Variants in ACER3 observed in about 807,000 individuals in gnomAD.
ACER3 encodes the protein alkCDase 3.
A neutral mutation model predicts 48.9 loss-of-function variants in ACER3; 16 were observed. The ratio of observed to expected loss-of-function variants is 0.33; its 90% CI spans 0.22 to 0.50. ACER3 has a LOEUF of 0.50. Among genes scored for constraint, ACER3 ranks in the 20% least tolerant of loss-of-function variants. ACER3 has a pLI of 0.98. For missense variants in ACER3, 227 were observed against 326.0 expected (o/e 0.70, Z 2.34); for synonymous variants, 109 against 107.8 (o/e 1.01, Z -0.07).
At chr11:76,946,696 C>T (rs1030083676) in intron 2 of ACER3, among the ~76,000 whole-genome samples, 2 of 152,166 alleles carry the variant, frequency 1.3e-5, no homozygotes, top group Non-Finnish European at 2.9e-5. Flanking sequence ...AGTCTCCCCT[C>T]CCCTCCTTGG....
intron 10 of ACER3, 71 bp from the exon 11 acceptor site, chr11:77,020,203 T>C: frequency 6.6e-7 from 1 of 1,524,848 alleles, no homozygotes; most frequent in South Asian, 1.1e-5. Context: ...GGATTCTTTC[T>C]CATTCTTTTT....
intron 2 of ACER3, among the ~76,000 whole-genome samples, chr11:76,940,336 C>T (rs974455114): frequency 8.6e-5 from 13 of 151,980 alleles, no homozygotes; most frequent in African/African-American, 2.9e-4. Flanking sequence ...GTTAATAATG[C>T]GTAAACCTAA....
intron 1 of ACER3, among the ~76,000 whole-genome samples, chr11:76,878,260 C>T (rs552608557): frequency 1.3e-5 from 2 of 151,810 alleles, no homozygotes; most frequent in African/African-American, 4.8e-5. Context: ...AAAGTAATTG[C>T]GGTTTTTGCC....
At chr11:76,904,173 G>A (rs1264318880) in intron 1 of ACER3, among the ~76,000 whole-genome samples, 1 of 151,956 alleles carries the variant, frequency 6.6e-6, no homozygotes, top group Admixed American at 6.6e-5. Context: ...TTTTAGTAGA[G>A]ACGAGGTTTC....
At position 76,894,409 on chromosome 11, in the gene ACER3, G is replaced by A. The variant is rs537829682; in HGVS notation, c.104-32148G>A. ...CCTTAAACTCTCAAATTTACTGTAG[G>A]TATATCATAGACATGTAATTGTCAC... On this transcript the variant is annotated intron_variant, in intron 1 of 10. Coordinates refer to ENST00000532485, the MANE Select transcript of ACER3 (RefSeq NM_018367.7). Among the ~76,000 whole-genome samples, 12 of 152,214 alleles carry A rather than the reference G, an allele frequency of 7.9e-5. No individual in the cohort carries two copies. In the East Asian group the frequency reaches 1.7e-3, roughly 22 times the overall value.
At position 77,024,218 on chromosome 11, in the gene ACER3, G is replaced by C. The variant is rs1322676670; in HGVS notation, c.*3891G>C. 8.7e-6 allele frequency: 1 copy of C among 115,592 alleles called. No individual in the cohort carries two copies. Among genetic ancestry groups the C allele is most frequent in the Non-Finnish European group, 1.7e-5 (1 of 60,218 alleles). 7.2% of individuals were successfully genotyped at this position (115,592 alleles called of 1,614,324 possible). On this transcript the variant is annotated 3_prime_UTR_variant, in exon 11 of 11. Coordinates refer to ENST00000532485, the MANE Select transcript of ACER3 (RefSeq NM_018367.7). ...CAGCTGACTGGAAATTTTCAATACT[G>C]TCTTTTAACTGTTGTACTCCAGCCA...
chr11:76,997,447 A>G (rs908991476), intron 6 of ACER3, among the ~76,000 whole-genome samples: 1 of 152,210 alleles, frequency 6.6e-6, no homozygotes, highest in African/African-American at 2.4e-5. Context: ...TTGTAGCAGT[A>G]TAGCTATGGT....
chr11:76,890,308 T>G (rs1280446844), intron 1 of ACER3, among the ~76,000 whole-genome samples: 1 of 152,188 alleles, frequency 6.6e-6, no homozygotes, highest in Admixed American at 6.5e-5. Context: ...TGATAATACC[T>G]CAAGTTAGAG....
intron 3 of ACER3, among the ~76,000 whole-genome samples, chr11:76,969,594 A>G (rs1208259837): frequency 6.6e-6 from 1 of 151,878 alleles, no homozygotes; most frequent in African/African-American, 2.4e-5. Context: ...GCACATACAC[A>G]CCATGGAATA....
intron 2 of ACER3, among the ~76,000 whole-genome samples, chr11:76,931,587 T>TACAA (rs1296931449): frequency 6.6e-6 from 1 of 152,236 alleles, no homozygotes; most frequent in Non-Finnish European, 1.5e-5. Context: ...TTGGCATGTT[T>TACAA]TTGCAGTGGC....
At chr11:76,867,004 C>T (rs774183134) in intron 1 of ACER3, among the ~76,000 whole-genome samples, 2 of 152,150 alleles carry the variant, frequency 1.3e-5, no homozygotes, top group African/African-American at 2.4e-5. Context: ...TGGGTTACTT[C>T]TACCTCTTGG....
intron 4 of ACER3, among the ~76,000 whole-genome samples, chr11:76,984,393 T>C (rs1948645938): frequency 1.3e-5 from 2 of 152,238 alleles, no homozygotes; most frequent in African/African-American, 4.8e-5. Flanking sequence ...TTCATCATTG[T>C]CCAAGTCACA....
chr11:76,862,208 A>G (rs1224245340), intron 1 of ACER3, among the ~76,000 whole-genome samples: 1 of 151,920 alleles, frequency 6.6e-6, no homozygotes, highest in Non-Finnish European at 1.5e-5. Flanking sequence ...GCATCTGTGC[A>G]TGGCTTTGTA....
chr11:77,018,127 A>T (rs1949406265), intron 9 of ACER3, among the ~76,000 whole-genome samples: 1 of 151,966 alleles, frequency 6.6e-6, no homozygotes, highest in African/African-American at 2.4e-5. Flanking sequence ...TTTAGTAGAG[A>T]CAGGCTTTCA....
At chr11:76,937,722 T>C (rs1947228368) in intron 2 of ACER3, among the ~76,000 whole-genome samples, 1 of 151,988 alleles carries the variant, frequency 6.6e-6, no homozygotes, top group Admixed American at 6.6e-5. Context: ...ATAGAAATGG[T>C]GTGGAAAAGA....
chr11:76,914,868 A>T (rs1436043083), intron 1 of ACER3, among the ~76,000 whole-genome samples: 1 of 152,144 alleles, frequency 6.6e-6, no homozygotes, highest in East Asian at 1.9e-4. Flanking sequence ...ATGCAGCCAT[A>T]AAAAAAGGAT....
At chr11:76,917,912 T>C (rs1044372923) in intron 1 of ACER3, among the ~76,000 whole-genome samples, 1 of 151,802 alleles carries the variant, frequency 6.6e-6, no homozygotes, top group Non-Finnish European at 1.5e-5. Context: ...ACTCTTGTAG[T>C]AATAAAAATC....
At position 77,011,417 on chromosome 11, in the gene ACER3, C is replaced by G. The variant is rs531961613; in HGVS notation, c.498-3599C>G. Reference sequence around the variant, plus strand: ...GCAGAAAACAGATAGCACCCTACCCCCACTGATCATATTCCTGTCATATTT... The same window carrying G: ...GCAGAAAACAGATAGCACCCTACCCGCACTGATCATATTCCTGTCATATTT... On this transcript the variant is annotated intron_variant, in intron 7 of 10. Transcript: ENST00000532485. The G allele has an allele frequency of 6.3e-5, 61 of 972,798 alleles. No individual in the cohort carries two copies. In the South Asian group the frequency reaches 6.7e-4, roughly 11 times the overall value. The allele number at this position is 972,798 out of a possible 1,614,324, so 60.3% of individuals were successfully genotyped here.
chr11:76,861,243 G>T (rs1036290090), intron 1 of ACER3, among the ~76,000 whole-genome samples, 164 bp downstream of exon 1: 11 of 151,870 alleles, frequency 7.2e-5, no homozygotes, highest in Non-Finnish European at 1.6e-4. Context: ...GAGAGGAGCG[G>T]GCCGGGAGTC....
Sources: allele counts gnomAD v4.1 joint callset (sites outside exome capture counted in the v4.1 genomes callset), GRCh38; gene constraint gnomAD v4.1.1; transcripts MANE v1.5; gene names NCBI Gene and HGNC (gene_info 2026-07-23, HGNC 2026-07-21).